The following ANKS1B variants were observed in gnomAD, a reference collection of about 807,000 sequenced individuals.
ANKS1B encodes the protein ankyrin repeat and sterile alpha motif domain-containing protein 1B.
ANKS1B carries 36 observed loss-of-function variants against 148.3 expected under a neutral mutation model. The observed-to-expected ratio is 0.24, with a 90% CI of 0.19 to 0.32. ANKS1B has a LOEUF of 0.32. Among genes scored for constraint, ANKS1B ranks in the 10% least tolerant of loss-of-function variants. The pLI is 1.00. For missense variants in ANKS1B, 1,157 were observed against 1,542.6 expected (o/e 0.75, Z 4.19); for synonymous variants, 542 against 560.8 (o/e 0.97, Z 0.47).
chr12:99,132,149 C>T (rs1029952450), intron 15 of ANKS1B, among the ~76,000 whole-genome samples: 3 of 152,000 alleles, frequency 2.0e-5, no homozygotes, highest in Admixed American at 6.6e-5. Context: ...AACTGCAACT[C>T]GTGTTGGGGC....
At position 99,697,283 on chromosome 12, in the gene ANKS1B, G is replaced by A. The variant is rs144963468; in HGVS notation, c.1129-42073C>T. Among the ~76,000 whole-genome samples the A allele has an allele frequency of 5.2e-3, 790 of 152,230 alleles. 2 individuals carry two copies. Among genetic ancestry groups the A allele is most frequent in the Non-Finnish European group, 7.8e-3 (532 of 68,010 alleles). ...TAAACCCACAGAAAAATCTGCACAG[G>A]AATGTTTATAGCAGCTTTATTCATA... On this transcript the variant is annotated intron_variant, in intron 8 of 26. Transcript: ENST00000683438.
At chr12:99,647,322 C>T (rs1383326246) in intron 9 of ANKS1B, among the ~76,000 whole-genome samples, 1 of 152,162 alleles carries the variant, frequency 6.6e-6, no homozygotes, top group Non-Finnish European at 1.5e-5. Context: ...TTTATTTAAG[C>T]AATCCCCTAT....
chr12:99,710,722 G>C (rs2056513869), intron 8 of ANKS1B, among the ~76,000 whole-genome samples: 1 of 152,038 alleles, frequency 6.6e-6, no homozygotes, highest in South Asian at 2.1e-4. Flanking sequence ...ATGAAAGTAA[G>C]AATTGCTTCC....
chr12:98,746,038 C>T (rs1483800959), intron 26 of ANKS1B, among the ~76,000 whole-genome samples, 189 bp from the exon 27 acceptor site: 1 of 152,206 alleles, frequency 6.6e-6, no homozygotes, highest in East Asian at 1.9e-4. Context: ...GCAGGGCACC[C>T]TGAGGGTGAC....
At chr12:99,814,079 C>T (rs1157005508) in intron 2 of ANKS1B, among the ~76,000 whole-genome samples, 2 of 151,664 alleles carry the variant, frequency 1.3e-5, no homozygotes, top group Non-Finnish European at 3.0e-5. Context: ...CAGTAACATA[C>T]TGTGCAGGCA....
chr12:99,920,192 G>C (rs762009464), intron 1 of ANKS1B, among the ~76,000 whole-genome samples: 3 of 152,072 alleles, frequency 2.0e-5, no homozygotes, highest in Non-Finnish European at 2.9e-5. Context: ...CGGATGATTT[G>C]CCACAAATAG....
intron 12 of ANKS1B, among the ~76,000 whole-genome samples, chr12:99,354,894 A>C (rs923359905): frequency 6.6e-6 from 1 of 152,060 alleles, no homozygotes; most frequent in South Asian, 2.1e-4. Flanking sequence ...GGGTATTAGC[A>C]TATCCAACGG....
At chr12:99,034,650 C>T (rs1023026888) in intron 17 of ANKS1B, among the ~76,000 whole-genome samples, 15 of 152,272 alleles carry the variant, frequency 9.9e-5, no homozygotes, top group African/African-American at 3.4e-4. Context: ...GAGTCTTATA[C>T]ATGTGAAGTC....
At chr12:98,916,389 G>A (rs957936049) in intron 17 of ANKS1B, among the ~76,000 whole-genome samples, 4 of 152,214 alleles carry the variant, frequency 2.6e-5, no homozygotes, top group Admixed American at 6.5e-5. Context: ...TGACAGCCAC[G>A]TTTAAGGAGG....
Position 99,209,384 on chromosome 12 carries a change from C to T in ANKS1B, c.2419+34958G>A, listed in dbSNP as rs1012550453. The stretch of plus-strand genomic sequence containing the variant: ...TTGCTTTAGAAGAAAAACTGTAGTA[C>T]CACTGTTACTAGATTGTAGCCTCTT... On this transcript the variant is annotated intron_variant, in intron 14 of 26. Coordinates refer to ENST00000683438, the MANE Select transcript of ANKS1B (RefSeq NM_001352186.2). Among the ~76,000 whole-genome samples, 8 of 152,256 alleles carry T rather than the reference C, an allele frequency of 5.3e-5. No homozygotes were observed. The East Asian group carries it at 1.2e-3, about 22-fold the overall frequency.
chr12:99,434,384 C>T (rs1315018794), intron 11 of ANKS1B, among the ~76,000 whole-genome samples: 1 of 151,972 alleles, frequency 6.6e-6, no homozygotes, highest in African/African-American at 2.4e-5. Flanking sequence ...TAAATTTAAC[C>T]AGCTTTACAG....
chr12:98,916,009 G>A (rs372917559), intron 17 of ANKS1B, among the ~76,000 whole-genome samples: 18 of 152,110 alleles, frequency 1.2e-4, no homozygotes, highest in Non-Finnish European at 2.6e-4. Flanking sequence ...TGCCTATCCT[G>A]CCTTCCTGCT....
chr12:98,862,795 C>T (rs948745237), intron 17 of ANKS1B, among the ~76,000 whole-genome samples: 12 of 152,134 alleles, frequency 7.9e-5, no homozygotes, highest in African/African-American at 2.9e-4. Flanking sequence ...CTGTTCAGGA[C>T]AATCTTGCTT....
At chr12:99,035,159 G>A (rs1323262587) in intron 17 of ANKS1B, among the ~76,000 whole-genome samples, 1 of 152,126 alleles carries the variant, frequency 6.6e-6, no homozygotes, top group Non-Finnish European at 1.5e-5. Context: ...ATAGAAACTA[G>A]GATCCCTCTT....
intron 9 of ANKS1B, among the ~76,000 whole-genome samples, chr12:99,603,904 C>T (rs993231847): frequency 6.6e-6 from 1 of 152,046 alleles, no homozygotes; most frequent in African/African-American, 2.4e-5. Context: ...CTCATTAAGT[C>T]ATCTGTTTAT....
intron 12 of ANKS1B, among the ~76,000 whole-genome samples, chr12:99,277,218 T>C (rs1355762227): frequency 6.6e-6 from 1 of 152,228 alleles, no homozygotes; most frequent in Non-Finnish European, 1.5e-5. Flanking sequence ...GCCATGTAGT[T>C]CTTAGTAAAT....
intron 1 of ANKS1B, among the ~76,000 whole-genome samples, chr12:99,883,864 T>C (rs1017011654): frequency 2.0e-5 from 3 of 152,094 alleles, no homozygotes; most frequent in African/African-American, 7.2e-5. Context: ...TGTAGTGAGC[T>C]GACATCGTGC....
intron 1 of ANKS1B, among the ~76,000 whole-genome samples, chr12:99,833,757 G>GT (rs955985561): frequency 6.6e-6 from 1 of 152,078 alleles, no homozygotes; most frequent in Non-Finnish European, 1.5e-5. Flanking sequence ...CAAATATTTT[G>GT]TAAGAGAAGA....
intron 9 of ANKS1B, among the ~76,000 whole-genome samples, chr12:99,552,011 T>A (rs1314940528): frequency 6.6e-6 from 1 of 152,148 alleles, no homozygotes; most frequent in East Asian, 1.9e-4. Flanking sequence ...TGTGCCAAGC[T>A]TGTCCTTTTA....
Sources: gnomAD v4.1 joint callset for allele counts (sites outside exome capture counted in the v4.1 genomes callset) on GRCh38, gnomAD v4.1.1 for gene constraint, MANE v1.5 for transcripts, NCBI Gene and HGNC (gene_info 2026-07-23, HGNC 2026-07-21) for gene names.